Variants in TMEM74 observed in about 807,000 individuals in gnomAD.
The protein encoded by TMEM74 is transmembrane protein 74.
Under a neutral mutation model 18.1 loss-of-function variants are expected in TMEM74, and 13 were observed. The ratio of observed to expected loss-of-function variants is 0.72; its 90% CI spans 0.47 to 1.14. TMEM74 has a LOEUF of 1.14. TMEM74 is among the 50% of genes most tolerant of loss of function. The pLI, the probability that TMEM74 is intolerant of heterozygous loss-of-function variation, is 0.00. For synonymous variants in TMEM74, 159 were observed against 146.6 expected (o/e 1.08, Z -0.61); for missense variants, 372 against 375.9 (o/e 0.99, Z 0.09).
chr8:108,677,973 C>A (rs1428078960), intron 1 of TMEM74, among the ~76,000 whole-genome samples: 1 of 151,930 alleles, frequency 6.6e-6, no homozygotes, highest in East Asian at 1.9e-4. Context: ...CCCAATTTAC[C>A]ATAGACTTGA....
chr8:108,787,414 G>C (rs985565024), intron 1 of TMEM74, 62 bp downstream of exon 1: 1 of 152,316 alleles, frequency 6.6e-6, no homozygotes, highest in Non-Finnish European at 1.5e-5. Flanking sequence ...AGCTCTGCTA[G>C]GCTCCAGGGC....
chr8:108,689,964 C>T (rs542614580), intron 1 of TMEM74, among the ~76,000 whole-genome samples: 35 of 152,270 alleles, frequency 2.3e-4, no homozygotes, highest in Admixed American at 1.1e-3. Flanking sequence ...CAAAGGGACT[C>T]ATGTGATGTT....
chr8:108,770,181 G>A (rs1201766996), intron 1 of TMEM74, among the ~76,000 whole-genome samples: 1 of 152,130 alleles, frequency 6.6e-6, no homozygotes, highest in Non-Finnish European at 1.5e-5. Flanking sequence ...ATACAGAGAG[G>A]AGGAGAAAGA....
At chr8:108,772,095 AATT>A (rs1473042211) in intron 1 of TMEM74, among the ~76,000 whole-genome samples, 11 of 152,166 alleles carry the variant, frequency 7.2e-5, no homozygotes, top group Non-Finnish European at 1.6e-4. Context: ...ATTATATACT[AATT>A]ATTGAGTGTA....
At chr8:108,635,931 T>C (rs956686901) in intron 2 of TMEM74, among the ~76,000 whole-genome samples, 1 of 152,142 alleles carries the variant, frequency 6.6e-6, no homozygotes, top group Non-Finnish European at 1.5e-5. Flanking sequence ...ATTTTTGTGA[T>C]GTCCTTTCCT....
At chr8:108,774,511 G>C (rs1401796765), downstream of TMEM74, among the ~76,000 whole-genome samples, 1 of 152,132 alleles carries the variant, frequency 6.6e-6, no homozygotes, top group Non-Finnish European at 1.5e-5. Context: ...GCTTCATCCA[G>C]CCACCAGATT....
chr8:108,614,361 G>A (rs1259810582), intron 2 of TMEM74, among the ~76,000 whole-genome samples: 2 of 151,888 alleles, frequency 1.3e-5, no homozygotes, highest in African/African-American at 4.8e-5. Flanking sequence ...GCATATCAAG[G>A]GGATTTGATA....
At chr8:108,777,152 C>T (rs188607902), downstream of TMEM74, among the ~76,000 whole-genome samples, 24 of 152,310 alleles carry the variant, frequency 1.6e-4, no homozygotes, top group African/African-American at 5.5e-4. Flanking sequence ...GATCAGATGT[C>T]ATTACAAGAG....
At chr8:108,662,087 C>T (rs773035463) in intron 1 of TMEM74, among the ~76,000 whole-genome samples, 5 of 151,862 alleles carry the variant, frequency 3.3e-5, no homozygotes, top group South Asian at 2.1e-4. Context: ...TTACCTTATA[C>T]GCTAAAAAAG....
At chr8:108,697,898 T>C (rs1246532479) in intron 1 of TMEM74, among the ~76,000 whole-genome samples, 1 of 152,232 alleles carries the variant, frequency 6.6e-6, no homozygotes, top group Non-Finnish European at 1.5e-5. Flanking sequence ...AAGTATACTA[T>C]ATCAACTGAG....
Position 108,781,754 on chromosome 8 carries a change from T to G in TMEM74, c.*2427A>C, listed in dbSNP as rs142613369. On this transcript the variant is annotated 3_prime_UTR_variant, in exon 2 of 2. Coordinates refer to ENST00000297459, the MANE Select transcript of TMEM74 (RefSeq NM_153015.3). ...GGAAAAGAAAGGAAATGTATTTTGA[T>G]GTGTTAGGTCTTTTTCTCCCCCGTT... Among the ~76,000 whole-genome samples the G allele has an allele frequency of 2.6e-5, 4 of 152,360 alleles. No individual in the cohort carries two copies. Among genetic ancestry groups the G allele is most frequent in the Middle Eastern group, 3.4e-3 (1 of 294 alleles).
chr8:108,766,755 C>T (rs981955765), intron 1 of TMEM74, among the ~76,000 whole-genome samples: 2 of 152,152 alleles, frequency 1.3e-5, no homozygotes, highest in African/African-American at 2.4e-5. Flanking sequence ...GTGATCAGTC[C>T]GAGTCCCAAA....
chr8:108,768,286 T>C (rs1171721644), intron 1 of TMEM74, among the ~76,000 whole-genome samples: 1 of 152,166 alleles, frequency 6.6e-6, no homozygotes, highest in Non-Finnish European at 1.5e-5. Flanking sequence ...CTTTATTGAT[T>C]TGATCTTTGA....
chr8:108,611,522 G>T (rs1055691669), intron 2 of TMEM74, among the ~76,000 whole-genome samples: 1 of 152,170 alleles, frequency 6.6e-6, no homozygotes, highest in Non-Finnish European at 1.5e-5. Context: ...TGTGCTCATA[G>T]AAAACATAAT....
intron 2 of TMEM74, among the ~76,000 whole-genome samples, chr8:108,636,448 G>C (rs1190860676): frequency 6.6e-6 from 1 of 152,088 alleles, no homozygotes; most frequent in East Asian, 1.9e-4. Context: ...AGAAGGAAAA[G>C]AGTGAGCATT....
chr8:108,695,337 T>C (rs1407031084), intron 1 of TMEM74, among the ~76,000 whole-genome samples: 1 of 152,176 alleles, frequency 6.6e-6, no homozygotes, highest in Non-Finnish European at 1.5e-5. Flanking sequence ...TAGAAGAAGT[T>C]AGTAAGGAGG....
intron 1 of TMEM74, among the ~76,000 whole-genome samples, chr8:108,723,298 G>A (rs574825030): frequency 1.2e-4 from 19 of 152,182 alleles, no homozygotes; most frequent in Non-Finnish European, 2.4e-4. Flanking sequence ...TTCAGTCTGA[G>A]TTAACAATAA....
chr8:108,713,045 G>A (rs2130624839), intron 1 of TMEM74, among the ~76,000 whole-genome samples: 1 of 152,292 alleles, frequency 6.6e-6, no homozygotes, highest in Middle Eastern at 3.4e-3. Flanking sequence ...CTATTCCAGA[G>A]TTATTGACGA....
At chr8:108,764,334 C>A (rs1021792239) in intron 1 of TMEM74, among the ~76,000 whole-genome samples, 1 of 152,058 alleles carries the variant, frequency 6.6e-6, no homozygotes. Context: ...CAAACAAACA[C>A]TAAAACTAAA....
Sources: allele counts gnomAD v4.1 joint callset (sites outside exome capture counted in the v4.1 genomes callset), GRCh38; gene constraint gnomAD v4.1.1; transcripts MANE v1.5; gene names NCBI Gene and HGNC (gene_info 2026-07-23, HGNC 2026-07-21).